RIMS1: variants seen among roughly 807,000 people sequenced by gnomAD.
RIMS1 encodes the protein regulating synaptic membrane exocytosis 1, also known as regulating synaptic membrane exocytosis protein 1.
RIMS1 carries 83 observed loss-of-function variants against 214.1 expected under a neutral mutation model. That is an observed-to-expected ratio of 0.39 (90% CI 0.32 to 0.47). The LOEUF is 0.47. Among genes scored for constraint, RIMS1 ranks in the 20% least tolerant of loss-of-function variants. The pLI, the probability that RIMS1 is intolerant of heterozygous loss-of-function variation, is 0.99. For synonymous variants in RIMS1, 793 were observed against 786.8 expected, an observed-to-expected ratio of 1.01 and a Z score of -0.13; for missense variants, 2,050 against 2,161.8, an observed-to-expected ratio of 0.95 and a Z score of 1.03.
At chr6:72,037,622 T>C (rs1467048780) in intron 2 of RIMS1, among the ~76,000 whole-genome samples, 1 of 152,062 alleles carries the variant, frequency 6.6e-6, no homozygotes, top group Non-Finnish European at 1.5e-5. Flanking sequence ...CATGAAACCA[T>C]CATTACAATC....
intron 29 of RIMS1, among the ~76,000 whole-genome samples, chr6:72,369,752 C>G (rs1274918181): frequency 1.3e-5 from 2 of 152,190 alleles, no homozygotes; most frequent in Non-Finnish European, 2.9e-5. Flanking sequence ...GCAACAGTAG[C>G]CTGGCCAAGT....
chr6:72,063,230 T>C (rs1439221929), intron 2 of RIMS1, among the ~76,000 whole-genome samples: 1 of 152,094 alleles, frequency 6.6e-6, no homozygotes, highest in Non-Finnish European at 1.5e-5. Context: ...AGAGGAAGTA[T>C]TAATTCCCCC....
chr6:72,213,989 T>C (rs933494240), intron 6 of RIMS1, among the ~76,000 whole-genome samples: 6 of 152,168 alleles, frequency 3.9e-5, no homozygotes, highest in African/African-American at 1.2e-4. Context: ...GAGTAAATAT[T>C]GTTAACATAA....
At chr6:72,145,016 C>G (rs1173477078) in intron 4 of RIMS1, among the ~76,000 whole-genome samples, 4 of 151,958 alleles carry the variant, frequency 2.6e-5, no homozygotes, top group Non-Finnish European at 4.4e-5. Flanking sequence ...TCCTGAGTAG[C>G]ATAATTTTTC....
At chr6:72,022,813 A>G (rs1006963451) in intron 2 of RIMS1, among the ~76,000 whole-genome samples, 1 of 152,214 alleles carries the variant, frequency 6.6e-6, no homozygotes, top group Non-Finnish European at 1.5e-5. Context: ...ATAAAGAGGA[A>G]TGCCTCTAAT....
chr6:72,194,359 G>A (rs1210238698), intron 6 of RIMS1, among the ~76,000 whole-genome samples: 2 of 151,930 alleles, frequency 1.3e-5, no homozygotes, highest in African/African-American at 4.8e-5. Context: ...ACAGTACCTG[G>A]CATATGGTAA....
chr6:72,347,264 G>T (rs1193162245), intron 29 of RIMS1, among the ~76,000 whole-genome samples: 3 of 151,870 alleles, frequency 2.0e-5, no homozygotes, highest in Non-Finnish European at 4.4e-5. Context: ...CCAGTTGGGG[G>T]CTCAAGGACC....
At position 72,182,685 on chromosome 6, in the gene RIMS1, C is replaced by T. The variant is rs1405075703; in HGVS notation, c.1214C>T (p.Pro405Leu). Residue 405 changes from proline to leucine, a missense_variant, in exon 6 of 34, where the codon CCG becomes CTG. Transcript: ENST00000521978. ...LPRTEAGAAL[P>L]EGKAGKRAPA... ...CGCACCGAGGCGGGCGCGGCGCTGC[C>T]GGAGGGCAAGGCCGGCAAACGCGCG... The T allele has an allele frequency of 2.7e-6, 4 of 1,473,664 alleles. No individual in the cohort carries two copies. The highest frequency in any genetic ancestry group is 3.6e-6 in the Non-Finnish European group (4 of 1,119,668). The allele number at this position is 1,473,664 out of a possible 1,614,324, so 91.3% of individuals were successfully genotyped here.
At chr6:71,942,432 T>A (rs1227332635) in intron 1 of RIMS1, among the ~76,000 whole-genome samples, 2 of 152,202 alleles carry the variant, frequency 1.3e-5, no homozygotes, top group African/African-American at 2.4e-5. Flanking sequence ...ATAGATATTA[T>A]ACATATATTC....
chr6:72,138,119 AG>A (rs1265177635), intron 4 of RIMS1, among the ~76,000 whole-genome samples: 1 of 152,108 alleles, frequency 6.6e-6, no homozygotes, highest in African/African-American at 2.4e-5. Context: ...CGGTTCAAAA[AG>A]GTAGGTAGAC....
chr6:72,335,956 A>G (rs1321233145), intron 29 of RIMS1, among the ~76,000 whole-genome samples: 4 of 151,822 alleles, frequency 2.6e-5, no homozygotes, highest in Non-Finnish European at 5.9e-5. Flanking sequence ...AGTTCTTTCT[A>G]GATTCTGGTT....
intron 1 of RIMS1, among the ~76,000 whole-genome samples, chr6:71,887,828 A>G (rs1168437327): frequency 6.6e-6 from 1 of 152,154 alleles, no homozygotes; most frequent in Non-Finnish European, 1.5e-5. Context: ...ACCTGTGTGA[A>G]GACAGATTCT....
chr6:72,364,443 C>T (rs79535623), intron 29 of RIMS1, among the ~76,000 whole-genome samples: 2,268 of 152,252 alleles, frequency 0.015, 46 homozygotes, highest in African/African-American at 0.052. Flanking sequence ...AAATGTGAAT[C>T]GTTTATAGTC....
At chr6:72,331,509 A>G (rs1382242909) in intron 28 of RIMS1, among the ~76,000 whole-genome samples, 2 of 151,946 alleles carry the variant, frequency 1.3e-5, no homozygotes, top group East Asian at 3.9e-4. Context: ...ATTTCTGTAG[A>G]TTCTCCAGCA....
intron 1 of RIMS1, among the ~76,000 whole-genome samples, chr6:71,893,672 G>A (rs1006707754): frequency 3.3e-5 from 5 of 152,098 alleles, no homozygotes; most frequent in African/African-American, 1.2e-4. Context: ...TAGGTTTTCT[G>A]TATTTATATT....
intron 2 of RIMS1, among the ~76,000 whole-genome samples, chr6:71,980,815 C>T (rs1051064451): frequency 1.3e-5 from 2 of 151,850 alleles, no homozygotes; most frequent in African/African-American, 4.8e-5. Flanking sequence ...GAAACTGGTA[C>T]GCCTTAATGA....
At chr6:72,060,449 G>A (rs567101499) in intron 2 of RIMS1, among the ~76,000 whole-genome samples, 2 of 152,276 alleles carry the variant, frequency 1.3e-5, no homozygotes, top group South Asian at 4.2e-4. Flanking sequence ...TTGACTCTGT[G>A]ATCTGACCTC....
chr6:71,921,091 TTA>T (rs1779825126), intron 1 of RIMS1, among the ~76,000 whole-genome samples: 1 of 152,174 alleles, frequency 6.6e-6, no homozygotes. Flanking sequence ...AGTGAGGTTG[TTA>T]ACTAAAACTC....
chr6:72,230,861 G>C (rs1404228806), intron 6 of RIMS1, among the ~76,000 whole-genome samples: 1 of 151,488 alleles, frequency 6.6e-6, no homozygotes, highest in Non-Finnish European at 1.5e-5. Context: ...AACTTGGCTA[G>C]TTATGAACTT....
Sources: allele counts gnomAD v4.1 joint callset (sites outside exome capture counted in the v4.1 genomes callset), GRCh38; gene constraint gnomAD v4.1.1; transcripts MANE v1.5; gene names NCBI Gene and HGNC (gene_info 2026-07-23, HGNC 2026-07-21).